Variants in EP300 observed in about 807,000 individuals in gnomAD.
EP300 encodes EP300 lysine acetyltransferase.
EP300 carries 31 observed loss-of-function variants against 264.0 expected under a neutral mutation model. The observed-to-expected ratio is 0.12, with a 90% CI of 0.09 to 0.16. The LOEUF (loss-of-function observed/expected upper bound fraction) is 0.16. EP300 is among the 10% of genes least tolerant of loss of function. The pLI is 1.00. For synonymous variants in EP300, 1,340 were observed against 1,045.4 expected, an observed-to-expected ratio of 1.28 and a Z score of -5.44; for missense variants, 2,766 against 3,052.9, an observed-to-expected ratio of 0.91 and a Z score of 2.21.
At chr22:41,141,727 A>G (rs2058983678) in intron 10 of EP300, among the ~76,000 whole-genome samples, 1 of 149,406 alleles carries the variant, frequency 6.7e-6, no homozygotes. Context: ...CCCAGGCTGG[A>G]GTACGGTGGC....
intron 6 of EP300, among the ~76,000 whole-genome samples, chr22:41,134,793 C>T (rs1176214141): frequency 6.6e-6 from 1 of 152,236 alleles, no homozygotes; most frequent in Non-Finnish European, 1.5e-5. Flanking sequence ...TTTACCTCTT[C>T]TGTATTGAAA....
intron 2 of EP300, among the ~76,000 whole-genome samples, chr22:41,119,587 G>C (rs1043103492): frequency 6.6e-6 from 1 of 152,014 alleles, no homozygotes; most frequent in African/African-American, 2.4e-5. Context: ...GTGCACATAA[G>C]ATATAAATTT....
chr22:41,098,032 A>C (rs1333790787), intron 1 of EP300, among the ~76,000 whole-genome samples: 1 of 151,538 alleles, frequency 6.6e-6, no homozygotes, highest in African/African-American at 2.4e-5. Flanking sequence ...AAGTTTTAGG[A>C]TACATGTGCA....
In EP300 at chr22:41,140,998, G is replaced by T. The variant is rs759797115; in HGVS notation, c.1879-50G>T. On this transcript the variant is annotated intron_variant, in intron 9 of 30. Transcript: ENST00000263253. The stretch of plus-strand genomic sequence containing the variant: ...AGTTTATTTTTTCTGTTACCTGGTG[G>T]TAGTTCCTTTTTTCCTCATCTCCCT... The T allele has an allele frequency of 3.2e-6, 5 of 1,550,236 alleles. No homozygotes were observed. The African/African-American group carries it at 4.1e-5, about 13-fold the overall frequency.
At chr22:41,113,052 G>A (rs2145691427) in intron 1 of EP300, among the ~76,000 whole-genome samples, 1 of 151,638 alleles carries the variant, frequency 6.6e-6, no homozygotes, top group East Asian at 1.9e-4. Context: ...AGTCAATAAA[G>A]TTAATGATTT....
At chr22:41,093,978 C>G (rs556525927) in intron 1 of EP300, among the ~76,000 whole-genome samples, 5 of 152,134 alleles carry the variant, frequency 3.3e-5, no homozygotes, top group Non-Finnish European at 4.4e-5. Context: ...GTGTCTTTGT[C>G]TTTTTACACT....
At position 41,129,887 on chromosome 22, in the gene EP300, T is replaced by C. The variant is rs377333217; in HGVS notation, c.1169-3T>C. 31 of 1,611,248 alleles carry C rather than the reference T, an allele frequency of 1.9e-5. No individual in the cohort carries two copies. The highest frequency in any genetic ancestry group is 1.6e-4 in the Middle Eastern group (1 of 6,080). ...TTGAAAAAATATGTTTTCTTCTCTTTAGTGGCACACTGTGCATCTTCTCGA... is the reference window on the plus strand; with the variant it reads ...TTGAAAAAATATGTTTTCTTCTCTTCAGTGGCACACTGTGCATCTTCTCGA... On this transcript the variant is annotated splice_polypyrimidine_tract_variant and splice_region_variant and intron_variant, in intron 4 of 30. Transcript: ENST00000263253.
intron 17 of EP300, among the ~76,000 whole-genome samples, chr22:41,155,770 A>C (rs2059073437): frequency 6.6e-6 from 1 of 152,174 alleles, no homozygotes; most frequent in African/African-American, 2.4e-5. Flanking sequence ...TAATGTTTTC[A>C]AGGTTCATCC....
chr22:41,155,808 A>G (rs776420715), intron 17 of EP300, among the ~76,000 whole-genome samples: 20 of 152,112 alleles, frequency 1.3e-4, no homozygotes, highest in Non-Finnish European at 2.8e-4. Context: ...AGTAGCACAT[A>G]CCTATTTATA....
At chr22:41,150,272 C>A in intron 14 of EP300, 74 bp downstream of exon 14, 1 of 1,474,184 alleles carries the variant, frequency 6.8e-7, no homozygotes, top group Non-Finnish European at 9.2e-7. Context: ...GGGCCATTTC[C>A]ATTCTCTTTT....
rs2059233579 is a variant in EP300, at chr22:41,179,908, ACACACACACACACACT to A, written c.*953_*968del. On this transcript the variant is annotated 3_prime_UTR_variant, in exon 31 of 31. Transcript: ENST00000263253. Reference sequence around the variant, plus strand: ...CACACACACACACACACACACACACACACACACACACACACTTTCTATAAAACTTGAAAATAGCAAA... The same window carrying A: ...CACACACACACACACACACACACACATTCTATAAAACTTGAAAATAGCAAA... 1.1e-5 allele frequency: 2 copies of A among 189,766 alleles called. No homozygotes were observed. Among genetic ancestry groups the A allele is most frequent in the African/African-American group, 2.3e-5 (1 of 43,280 alleles). The allele number at this position is 189,766 out of a possible 1,614,324, so 11.8% of individuals were successfully genotyped here.
chr22:41,140,177 T>C lies in EP300; in HGVS notation c.1798T>C (p.Leu600=). The C allele has an allele frequency of 1.9e-6, 3 of 1,614,192 alleles. No individual in the cohort carries two copies. The highest frequency in any genetic ancestry group is 2.5e-6 in the Non-Finnish European group (3 of 1,180,020). Residue 600 remains leucine, a synonymous_variant, in exon 9 of 31, where the codon TTA becomes CTA. Transcript: ENST00000263253. ...AIFPTPDPAA[L]KDRRMENLVA... ...ATTTCCTACGCCGGATCCTGCTGCT[T>C]TAAAAGACAGACGGATGGAAAACCT...
intron 1 of EP300, among the ~76,000 whole-genome samples, chr22:41,110,517 A>G (rs1444235822): frequency 6.8e-6 from 1 of 147,356 alleles, no homozygotes; most frequent in East Asian, 2.1e-4. Context: ...GGTCTTGAAC[A>G]CCTGGCCTCA....
At chr22:41,158,526 G>A in intron 19 of EP300, 26 bp downstream of exon 19, 4 of 1,589,268 alleles carry the variant, frequency 2.5e-6, no homozygotes, top group Non-Finnish European at 1.7e-6. Flanking sequence ...TGTGGACCAT[G>A]GTCCATGTGT....
In EP300 at chr22:41,131,547, C is replaced by A. The variant is rs533244094; in HGVS notation, c.1442C>A (p.Pro481Gln). 6.2e-7 allele frequency: 1 copy of A among 1,613,882 alleles called. No homozygotes were observed. The highest frequency in any genetic ancestry group is 8.5e-7 in the Non-Finnish European group (1 of 1,180,016). ...CTACCCTATCAAGTAAATCAGATGC[C>A]GACACAACCCCAGGTGCAAGCAAAG... is the stretch of plus-strand genomic sequence containing the variant. ...LGLPYQVNQM[P>Q]TQPQVQAKNQ... Residue 481 changes from proline to glutamine, a missense_variant, in exon 6 of 31, where the codon CCG (proline) becomes CAG (glutamine). Transcript: ENST00000263253.
chr22:41,121,570 G>A (rs1032676442), intron 2 of EP300, among the ~76,000 whole-genome samples: 3 of 152,168 alleles, frequency 2.0e-5, no homozygotes, highest in Non-Finnish European at 4.4e-5. Context: ...TCAGCAATCA[G>A]TGTAGTCTGT....
chr22:41,170,487 G>A lies in EP300; in HGVS notation c.4368G>A (p.Lys1456=), dbSNP rs2145766679. ...TCCATTGCCATCCTCCTGACCAGAA[G>A]ATACCCAAGCCCAAGCGACTGCAGG... ...YIFHCHPPDQ[K]IPKPKRLQEW... is the part of the protein sequence containing the mutation. Residue 1456 remains lysine (K), a synonymous_variant, in exon 27 of 31, where the codon AAG becomes AAA. Coordinates refer to ENST00000263253, the MANE Select transcript of EP300 (RefSeq NM_001429.4). 1 of 1,613,760 alleles carries A rather than the reference G, an allele frequency of 6.2e-7. No individual in the cohort carries two copies. The highest frequency in any genetic ancestry group is 2.2e-5 in the East Asian group (1 of 44,870).
chr22:41,100,197 T>C lies in EP300; in HGVS notation c.94+7099T>C, dbSNP rs1345788013. Among the ~76,000 whole-genome samples, 4 of 152,206 alleles carry C rather than the reference T, an allele frequency of 2.6e-5. No homozygotes were observed. In the East Asian group the frequency reaches 7.7e-4, roughly 29 times the overall value. Reference sequence around the variant, plus strand: ...TTACAGTGAGCTATGATGACACCACTGTACACTCCAGCCTAGGTGACATAG... The same window carrying C: ...TTACAGTGAGCTATGATGACACCACCGTACACTCCAGCCTAGGTGACATAG... On this transcript the variant is annotated intron_variant, in intron 1 of 30. Coordinates refer to ENST00000263253, the MANE Select transcript of EP300 (RefSeq NM_001429.4).
Position 41,177,197 on chromosome 22 carries a change from G to T in EP300, c.5486G>T (p.Arg1829Leu). 6.2e-7 allele frequency: 1 copy of T among 1,614,112 alleles called. No individual in the cohort carries two copies. Among genetic ancestry groups the T allele is most frequent in the Non-Finnish European group, 8.5e-7 (1 of 1,180,018 alleles). ...QHRLQQAQML[R>L]RRMASMQRTG... Reference sequence around the variant, plus strand: ...CGACTACAGCAGGCCCAAATGCTTCGCAGGAGGATGGCCAGCATGCAGCGG... The same window carrying T: ...CGACTACAGCAGGCCCAAATGCTTCTCAGGAGGATGGCCAGCATGCAGCGG... Residue 1829 changes from arginine to leucine, a missense_variant, in exon 31 of 31, where the codon CGC (arginine) becomes CTC (leucine). Transcript: ENST00000263253.
Sources: allele counts gnomAD v4.1 joint callset (sites outside exome capture counted in the v4.1 genomes callset), GRCh38; gene constraint gnomAD v4.1.1; transcripts MANE v1.5; gene names NCBI Gene and HGNC (gene_info 2026-07-23, HGNC 2026-07-21).